CORIN: variants seen among roughly 807,000 people sequenced by gnomAD.
CORIN encodes atrial natriuretic peptide-converting enzyme.
A neutral mutation model predicts 125.3 loss-of-function variants in CORIN; 117 were observed. That is an observed-to-expected ratio of 0.93 (90% CI 0.80 to 1.09). CORIN has a LOEUF of 1.09. Among genes scored for constraint, CORIN ranks in the 50% least tolerant of loss-of-function variants. The probability of loss-of-function intolerance (pLI) is 0.00; values close to 1 mark genes in which losing one functional copy is unlikely to be tolerated. For missense variants in CORIN, 1,253 were observed against 1,306.7 expected, an observed-to-expected ratio of 0.96 and a Z score of 0.63; for synonymous variants, 450 against 466.4, an observed-to-expected ratio of 0.96 and a Z score of 0.45.
intron 11 of CORIN, among the ~76,000 whole-genome samples, chr4:47,663,056 TTA>T: frequency 6.6e-6 from 1 of 152,324 alleles, no homozygotes; most frequent in South Asian, 2.1e-4. Context: ...CTATTTTAAA[TTA>T]GTCATATGAT....
At chr4:47,750,837 T>A (rs1345528736) in intron 4 of CORIN, among the ~76,000 whole-genome samples, 2 of 151,704 alleles carry the variant, frequency 1.3e-5, no homozygotes, top group African/African-American at 4.8e-5. Context: ...CTGGGAAGAG[T>A]TAGGATGGAG....
At chr4:47,682,651 G>T (rs965201984) in intron 7 of CORIN, 1 of 151,914 alleles carries the variant, frequency 6.6e-6, no homozygotes, top group Non-Finnish European at 1.5e-5. Context: ...TTGAGGTGAT[G>T]GATACACTAA....
intron 9 of CORIN, among the ~76,000 whole-genome samples, chr4:47,676,778 AT>A (rs1725037795): frequency 6.6e-6 from 1 of 152,224 alleles, no homozygotes; most frequent in Admixed American, 6.5e-5. Flanking sequence ...CCATTTCATC[AT>A]GAAAAATCCA....
intron 19 of CORIN, among the ~76,000 whole-genome samples, chr4:47,605,753 C>A (rs557320791): frequency 1.3e-5 from 2 of 152,202 alleles, no homozygotes; most frequent in Admixed American, 1.3e-4. Context: ...TGGACTGGGG[C>A]CTGGGAGTCT....
At chr4:47,695,117 C>T (rs1725930722) in intron 5 of CORIN, among the ~76,000 whole-genome samples, 1 of 152,068 alleles carries the variant, frequency 6.6e-6, no homozygotes, top group Non-Finnish European at 1.5e-5. Flanking sequence ...CAGGAGTGCA[C>T]TCCTATACCT....
intron 4 of CORIN, among the ~76,000 whole-genome samples, chr4:47,756,144 A>G (rs918507322): frequency 6.6e-6 from 1 of 152,208 alleles, no homozygotes; most frequent in Non-Finnish European, 1.5e-5. Context: ...ATTTGTCTGC[A>G]GAGATGTCTT....
chr4:47,738,633 C>T (rs531154101), intron 5 of CORIN, among the ~76,000 whole-genome samples: 1 of 152,126 alleles, frequency 6.6e-6, no homozygotes, highest in East Asian at 1.9e-4. Context: ...TTTAAATGTC[C>T]AACTTTCAAC....
chr4:47,793,095 GA>G (rs1235769706), intron 2 of CORIN, among the ~76,000 whole-genome samples: 2 of 151,990 alleles, frequency 1.3e-5, no homozygotes, highest in Non-Finnish European at 2.9e-5. Context: ...ATTCAGGGGG[GA>G]AAAAGCCCAA....
chr4:47,643,106 C>T, intron 15 of CORIN, 40 bp downstream of exon 15: 1 of 1,613,806 alleles, frequency 6.2e-7, no homozygotes, highest in Admixed American at 1.7e-5. Flanking sequence ...GGCTGACAGG[C>T]ATGAGAGAGT....
At chr4:47,766,712 G>A (rs1354006016) in intron 3 of CORIN, among the ~76,000 whole-genome samples, 1 of 152,104 alleles carries the variant, frequency 6.6e-6, no homozygotes, top group East Asian at 1.9e-4. Flanking sequence ...TTGGGAGGCT[G>A]AGGTGGGCGG....
intron 16 of CORIN, among the ~76,000 whole-genome samples, chr4:47,632,819 G>A (rs980392348): frequency 1.0e-4 from 15 of 150,538 alleles, no homozygotes; most frequent in South Asian, 4.2e-4. Flanking sequence ...TCACTCTGTC[G>A]CCCAGGCTGG....
chr4:47,675,826 G>A (rs1044632786), intron 9 of CORIN, among the ~76,000 whole-genome samples: 3 of 152,134 alleles, frequency 2.0e-5, no homozygotes, highest in Non-Finnish European at 4.4e-5. Flanking sequence ...TCCTGCCTCG[G>A]CCACCCAAAG....
intron 4 of CORIN, among the ~76,000 whole-genome samples, chr4:47,751,050 T>G (rs543357287): frequency 1.3e-5 from 2 of 152,196 alleles, no homozygotes; most frequent in African/African-American, 2.4e-5. Context: ...AATAATGGTT[T>G]TGTTGTTGGT....
chr4:47,609,654 A>G (rs1721799047), intron 19 of CORIN, among the ~76,000 whole-genome samples: 1 of 152,098 alleles, frequency 6.6e-6, no homozygotes, highest in Non-Finnish European at 1.5e-5. Flanking sequence ...GGTTTGTTAC[A>G]TAGGTAAACG....
intron 5 of CORIN, among the ~76,000 whole-genome samples, chr4:47,727,415 ATG>A (rs551304838): frequency 1.3e-5 from 2 of 152,232 alleles, no homozygotes; most frequent in East Asian, 3.8e-4. Context: ...GAATTCTAAT[ATG>A]TGTCACATTT....
intron 16 of CORIN, among the ~76,000 whole-genome samples, chr4:47,634,578 G>T (rs1283270277): frequency 6.6e-6 from 1 of 152,166 alleles, no homozygotes; most frequent in Non-Finnish European, 1.5e-5. Flanking sequence ...AGGTTGCAGT[G>T]AGCCAAGATC....
In CORIN at chr4:47,651,072, T is replaced by C. The variant is rs372481366; in HGVS notation, c.1843+2481A>G. On this transcript the variant is annotated intron_variant, in intron 13 of 21. Transcript: ENST00000273857. The stretch of plus-strand genomic sequence containing the variant: ...AAGTGTATTTATAAGTTAAGTGCTT[T>C]GGTTATCATGTTTCTCCATTACAAA... Among the ~76,000 whole-genome samples, 5 of 152,240 alleles carry C rather than the reference T, an allele frequency of 3.3e-5. No individual in the cohort carries two copies. In the East Asian group the frequency reaches 7.7e-4, roughly 23 times the overall value.
At chr4:47,680,276 A>C (rs1725212367) in intron 7 of CORIN, 25 bp from the exon 8 acceptor site, 1 of 1,554,034 alleles carries the variant, frequency 6.4e-7, no homozygotes, top group Non-Finnish European at 8.9e-7. Flanking sequence ...ACTCACGAGG[A>C]TGCAGAGAAC....
chr4:47,685,299 G>C (rs950972214), intron 6 of CORIN, among the ~76,000 whole-genome samples: 1 of 152,134 alleles, frequency 6.6e-6, no homozygotes, highest in South Asian at 2.1e-4. Context: ...CAAACAAAAC[G>C]TAATACTCAT....
Sources: allele counts gnomAD v4.1 joint callset (sites outside exome capture counted in the v4.1 genomes callset), GRCh38; gene constraint gnomAD v4.1.1; transcripts MANE v1.5; gene names NCBI Gene and HGNC (gene_info 2026-07-23, HGNC 2026-07-21).